Variants in FGF12 observed in about 807,000 individuals in gnomAD.
FGF12 encodes the protein fibroblast growth factor 12B.
FGF12 carries 14 observed loss-of-function variants against 23.6 expected under a neutral mutation model. The ratio of observed to expected loss-of-function variants is 0.59; its 90% CI spans 0.39 to 0.93. The LOEUF (loss-of-function observed/expected upper bound fraction) is 0.93, where lower values mean the gene tolerates loss of function less well. FGF12 is among the 40% of genes least tolerant of loss of function. The pLI, the probability that FGF12 is intolerant of heterozygous loss-of-function variation, is 0.00. For missense variants in FGF12, 175 were observed against 217.8 expected (o/e 0.80, Z 1.24); for synonymous variants, 62 against 77.3 (o/e 0.80, Z 1.04).
intron 2 of FGF12, among the ~76,000 whole-genome samples, chr3:192,689,617 G>GT (rs1717878455): frequency 6.6e-6 from 1 of 151,598 alleles, no homozygotes; most frequent in Non-Finnish European, 1.5e-5. Flanking sequence ...ATATCATATA[G>GT]TAAGAGTAGA....
At chr3:192,611,329 C>A (rs1409921041) in intron 2 of FGF12, among the ~76,000 whole-genome samples, 3 of 152,018 alleles carry the variant, frequency 2.0e-5, no homozygotes, top group East Asian at 1.9e-4. Flanking sequence ...AGCCTACATA[C>A]ACAGTGGTCA....
At position 192,514,035 on chromosome 3, in the gene FGF12, A is replaced by C. The variant is rs1295165010; in HGVS notation, c.14-153497T>G. On this transcript the variant is annotated intron_variant, in intron 2 of 5. Coordinates refer to ENST00000445105, the MANE Select transcript of FGF12 (RefSeq NM_004113.6). The surrounding 1 kb of genome is among the most constrained non-coding windows in gnomAD (Gnocchi z 4.9). ...CATTCAATTTTTAATGGCCTTTCTC[A>C]ATATCTCAGTTCATTCAAAGGTTCT... Among the ~76,000 whole-genome samples the C allele has an allele frequency of 6.6e-6, 1 of 152,012 alleles. No homozygotes were observed. The highest frequency in any genetic ancestry group is 1.5e-5 in the Non-Finnish European group (1 of 67,996).
intron 2 of FGF12, among the ~76,000 whole-genome samples, chr3:192,537,785 G>A (rs986682688): frequency 2.0e-5 from 3 of 152,014 alleles, no homozygotes; most frequent in Non-Finnish European, 4.4e-5. Context: ...CTTTGCAGAA[G>A]GTTTTTAACT....
rs139367532 is a variant in FGF12, at chr3:192,589,063, G to A, written c.13+138118C>T. On this transcript the variant is annotated intron_variant, in intron 2 of 5. Coordinates refer to ENST00000445105, the MANE Select transcript of FGF12 (RefSeq NM_004113.6). ...CTTATTTTAAGCTTATTTTTAAGGCGTGGTGGCTCACGCCTGTAATCCCAG... is the reference window on the plus strand; with the variant it reads ...CTTATTTTAAGCTTATTTTTAAGGCATGGTGGCTCACGCCTGTAATCCCAG... Among the ~76,000 whole-genome samples the A allele has an allele frequency of 3.7e-3, 566 of 151,972 alleles. 4 individuals are homozygous for A. The highest frequency in any genetic ancestry group is 0.013 in the African/African-American group (531 of 41,516).
At position 192,348,397 on chromosome 3, in the gene FGF12, A is replaced by G. The variant is rs188612569; in HGVS notation, c.124+12031T>C. ...ATCCTACACACCTCAAACTTCTCAA[A>G]TCAGATATATGAAATAGGCAACCAG... is the stretch of plus-strand genomic sequence containing the variant. On this transcript the variant is annotated intron_variant, in intron 3 of 5. Transcript: ENST00000445105. Among the ~76,000 whole-genome samples the G allele has an allele frequency of 1.7e-3, 265 of 152,274 alleles. 1 individual carries two copies. The highest frequency in any genetic ancestry group is 6.8e-3 in the Middle Eastern group (2 of 294).
intron 2 of FGF12, among the ~76,000 whole-genome samples, chr3:192,698,991 TTA>T (rs1718213775): frequency 6.6e-6 from 1 of 152,154 alleles, no homozygotes; most frequent in Non-Finnish European, 1.5e-5. Context: ...TTAAAGAGAG[TTA>T]TATGTCATGA....
intron 2 of FGF12, among the ~76,000 whole-genome samples, chr3:192,509,240 C>T (rs554392039): frequency 6.6e-6 from 1 of 152,338 alleles, no homozygotes; most frequent in South Asian, 2.1e-4. Context: ...CTTCTCTCTT[C>T]TGCTGTGCTT....
intron 2 of FGF12, among the ~76,000 whole-genome samples, chr3:192,544,394 T>C (rs200547429): frequency 1.1e-4 from 16 of 152,280 alleles, no homozygotes; most frequent in Middle Eastern, 3.4e-3. Context: ...TTTGTGTGGA[T>C]AGTTGTTCAA....
intron 4 of FGF12, among the ~76,000 whole-genome samples, chr3:192,206,152 A>G (rs1460700794): frequency 6.6e-6 from 1 of 152,212 alleles, no homozygotes; most frequent in African/African-American, 2.4e-5. Context: ...CACTATCTTC[A>G]TGTGCCTTTA....
intron 2 of FGF12, among the ~76,000 whole-genome samples, chr3:192,434,638 C>A (rs1721962270): frequency 6.6e-6 from 1 of 151,962 alleles, no homozygotes; most frequent in Admixed American, 6.5e-5. Context: ...TTTTTGAGTT[C>A]TTGTTTGTTC....
intron 2 of FGF12, among the ~76,000 whole-genome samples, chr3:192,675,018 C>G (rs1054310326): frequency 3.9e-5 from 6 of 152,174 alleles, no homozygotes; most frequent in Non-Finnish European, 8.8e-5. Context: ...GGTTTTTAAT[C>G]CTATAAATAG....
At chr3:192,439,681 T>C (rs548688891) in intron 2 of FGF12, among the ~76,000 whole-genome samples, 1 of 152,130 alleles carries the variant, frequency 6.6e-6, no homozygotes, top group East Asian at 1.9e-4. Context: ...ACATGTTGTA[T>C]AAAAGCATAA....
intron 4 of FGF12, among the ~76,000 whole-genome samples, chr3:192,194,813 A>T (rs1057089963): frequency 3.9e-5 from 6 of 152,210 alleles, no homozygotes; most frequent in African/African-American, 1.4e-4. Flanking sequence ...CATTTTTATA[A>T]CATATTTTTC....
At chr3:192,453,199 T>C (rs981323021) in intron 2 of FGF12, among the ~76,000 whole-genome samples, 2 of 152,196 alleles carry the variant, frequency 1.3e-5, no homozygotes, top group African/African-American at 4.8e-5. Context: ...TTTAGCTGTG[T>C]CTGATATACT....
intron 2 of FGF12, among the ~76,000 whole-genome samples, chr3:192,410,003 C>G (rs1424462638): frequency 6.6e-6 from 1 of 152,090 alleles, no homozygotes; most frequent in African/African-American, 2.4e-5. Context: ...CGCCGCCGCC[C>G]CTCCGGCTGG....
At chr3:192,144,824 C>A (rs576742393) in intron 5 of FGF12, among the ~76,000 whole-genome samples, 45 of 152,230 alleles carry the variant, frequency 3.0e-4, no homozygotes, top group African/African-American at 9.1e-4. Context: ...CATGGCTATT[C>A]CTAGATAATT....
chr3:192,684,081 C>A (rs184889971), intron 2 of FGF12, among the ~76,000 whole-genome samples: 1 of 152,074 alleles, frequency 6.6e-6, no homozygotes, highest in African/African-American at 2.4e-5. Context: ...TGCCTGCTCT[C>A]GATGCAACAT....
intron 4 of FGF12, among the ~76,000 whole-genome samples, chr3:192,241,518 T>C (rs1040313518): frequency 2.0e-5 from 3 of 152,034 alleles, no homozygotes; most frequent in African/African-American, 7.2e-5. Flanking sequence ...CTGATTATAG[T>C]GGAGAATCAA....
intron 2 of FGF12, among the ~76,000 whole-genome samples, chr3:192,524,663 A>G (rs1357309856): frequency 6.6e-6 from 1 of 152,244 alleles, no homozygotes; most frequent in African/African-American, 2.4e-5. Context: ...CTGCCTGTGC[A>G]GAACACAGGT....
Sources: allele counts gnomAD v4.1 joint callset (sites outside exome capture counted in the v4.1 genomes callset), GRCh38; gene constraint gnomAD v4.1.1; non-coding constraint Gnocchi (gnomAD v3.1); transcripts MANE v1.5; gene names NCBI Gene and HGNC (gene_info 2026-07-23, HGNC 2026-07-21).